The following EYS variants were observed in gnomAD, a reference collection of about 807,000 sequenced individuals.
EYS encodes the protein EGF-like photoreceptor maintenance factor.
EYS carries 250 observed loss-of-function variants against 282.1 expected under a neutral mutation model. That is an observed-to-expected ratio of 0.89 (90% CI 0.80 to 0.98). The LOEUF is 0.98. EYS is among the 50% of genes least tolerant of loss of function. The probability of loss-of-function intolerance (pLI) is 0.00; values close to 1 mark genes in which losing one functional copy is unlikely to be tolerated. For missense variants in EYS, 4,016 were observed against 3,709.0 expected, an observed-to-expected ratio of 1.08 and a Z score of -2.15; for synonymous variants, 1,355 against 1,282.9, an observed-to-expected ratio of 1.06 and a Z score of -1.20.
At chr6:64,149,061 T>C in intron 31 of EYS, among the ~76,000 whole-genome samples, 1 of 152,166 alleles carries the variant, frequency 6.6e-6, no homozygotes, top group Admixed American at 6.6e-5. Flanking sequence ...CATTTTCCTT[T>C]GTTTTGCTTT....
intron 30 of EYS, among the ~76,000 whole-genome samples, chr6:64,237,303 C>G (rs565167239): frequency 2.0e-5 from 3 of 152,288 alleles, no homozygotes; most frequent in South Asian, 4.1e-4. Context: ...GGCAGACCAA[C>G]TGAGTAAAAC....
At chr6:65,541,446 G>C (rs999125736) in intron 2 of EYS, among the ~76,000 whole-genome samples, 1 of 152,108 alleles carries the variant, frequency 6.6e-6, no homozygotes, top group Non-Finnish European at 1.5e-5. Flanking sequence ...AAGCCATCTT[G>C]TTTAAACTGA....
chr6:64,143,317 A>G (rs192191237), intron 31 of EYS, among the ~76,000 whole-genome samples: 1 of 142,128 alleles, frequency 7.0e-6, no homozygotes, highest in African/African-American at 2.6e-5. Flanking sequence ...TGGACTATGG[A>G]CTTTGGGTGA....
In EYS at chr6:64,945,921, G is replaced by A. The variant is rs532797776; in HGVS notation, c.2260-7C>T. 2.2e-4 allele frequency: 335 copies of A among 1,538,100 alleles called. No individual in the cohort carries two copies. Among genetic ancestry groups the A allele is most frequent in the Non-Finnish European group, 2.8e-4 (323 of 1,138,214 alleles). ...GGCACACACACTGGTAGCTCTAAGA[G>A]AATATGAAATTATATATTTTTAGGC... On this transcript the variant is annotated splice_polypyrimidine_tract_variant and splice_region_variant and intron_variant, in intron 14 of 42. Transcript: ENST00000503581.
At chr6:64,187,080 C>A (rs1446378975) in intron 31 of EYS, among the ~76,000 whole-genome samples, 1 of 152,080 alleles carries the variant, frequency 6.6e-6, no homozygotes, top group Non-Finnish European at 1.5e-5. Context: ...TGTAGATGAA[C>A]CAACTGACTA....
At chr6:65,312,499 C>T (rs1266550827) in intron 11 of EYS, among the ~76,000 whole-genome samples, 14 of 152,114 alleles carry the variant, frequency 9.2e-5, no homozygotes, top group African/African-American at 3.4e-4. Flanking sequence ...AGAGACCTCC[C>T]AAACTCTATA....
intron 12 of EYS, among the ~76,000 whole-genome samples, chr6:65,218,278 A>T (rs531873795): frequency 6.6e-6 from 1 of 152,150 alleles, no homozygotes; most frequent in East Asian, 1.9e-4. Flanking sequence ...ATACCCTGAT[A>T]GGGATACATA....
At chr6:63,893,180 G>A (rs1203302776) in intron 35 of EYS, among the ~76,000 whole-genome samples, 1 of 152,148 alleles carries the variant, frequency 6.6e-6, no homozygotes. Flanking sequence ...ATTCCTCAAG[G>A]ATCTAGAACT....
chr6:64,380,130 G>A (rs1772695798), intron 29 of EYS, among the ~76,000 whole-genome samples: 1 of 151,090 alleles, frequency 6.6e-6, no homozygotes, highest in African/African-American at 2.4e-5. Context: ...TTTTATTCCA[G>A]GCAGAGTTAC....
intron 12 of EYS, among the ~76,000 whole-genome samples, chr6:65,142,948 G>T (rs1245321136): frequency 6.6e-6 from 1 of 152,010 alleles, no homozygotes; most frequent in East Asian, 1.9e-4. Context: ...GAAACTAGCA[G>T]AATCAATGTA....
intron 22 of EYS, among the ~76,000 whole-genome samples, chr6:64,758,508 T>A (rs1773051720): frequency 6.6e-6 from 1 of 152,128 alleles, no homozygotes; most frequent in African/African-American, 2.4e-5. Context: ...CCTCTCTCAG[T>A]GGCAAACTGA....
intron 26 of EYS, among the ~76,000 whole-genome samples, chr6:64,505,959 G>T (rs933748295): frequency 6.6e-6 from 1 of 152,150 alleles, no homozygotes; most frequent in African/African-American, 2.4e-5. Flanking sequence ...ACGGCAGGTT[G>T]AAATAAGTGA....
At chr6:64,406,221 C>T (rs1773702006) in intron 28 of EYS, among the ~76,000 whole-genome samples, 2 of 152,150 alleles carry the variant, frequency 1.3e-5, no homozygotes, top group South Asian at 4.1e-4. Context: ...AAATGATTCC[C>T]TATTTAATAA....
At chr6:65,139,567 C>A (rs1379964334) in intron 12 of EYS, among the ~76,000 whole-genome samples, 1 of 152,184 alleles carries the variant, frequency 6.6e-6, no homozygotes, top group Non-Finnish European at 1.5e-5. Flanking sequence ...GACCTGCCCA[C>A]GTAGCCCTGA....
intron 2 of EYS, among the ~76,000 whole-genome samples, chr6:65,603,055 T>C (rs191497919): frequency 2.0e-5 from 3 of 151,962 alleles, no homozygotes; most frequent in South Asian, 2.1e-4. Context: ...ATACACTTGA[T>C]ACAAATACTC....
chr6:64,451,213 A>G (rs538874474), intron 26 of EYS, among the ~76,000 whole-genome samples: 46 of 152,350 alleles, frequency 3.0e-4, no homozygotes, highest in Admixed American at 2.5e-3. Flanking sequence ...AACTACCATC[A>G]GAGAATACTA....
intron 12 of EYS, among the ~76,000 whole-genome samples, chr6:65,291,414 T>C (rs1193823429): frequency 6.6e-6 from 1 of 151,502 alleles, no homozygotes; most frequent in Non-Finnish European, 1.5e-5. Context: ...TTTTTTTTGA[T>C]TTAGCAATTT....
At chr6:65,565,769 TA>T (rs1264044803) in intron 2 of EYS, among the ~76,000 whole-genome samples, 1 of 151,948 alleles carries the variant, frequency 6.6e-6, no homozygotes, top group Non-Finnish European at 1.5e-5. Flanking sequence ...TATGCAGCCA[TA>T]AAAAAGGACT....
At chr6:65,002,968 C>T (rs778429953) in intron 13 of EYS, among the ~76,000 whole-genome samples, 3 of 147,208 alleles carry the variant, frequency 2.0e-5, no homozygotes, top group African/African-American at 4.9e-5. Context: ...GGATGTATAT[C>T]GCCTCAGGAC....
Sources: allele counts gnomAD v4.1 joint callset (sites outside exome capture counted in the v4.1 genomes callset), GRCh38; gene constraint gnomAD v4.1.1; transcripts MANE v1.5; gene names NCBI Gene and HGNC (gene_info 2026-07-23, HGNC 2026-07-21).